PASD1: variants seen among roughly 807,000 people sequenced by gnomAD.
PASD1 encodes the protein circadian clock protein PASD1.
Under a neutral mutation model 58.8 loss-of-function variants are expected in PASD1, and 13 were observed. The ratio of observed to expected loss-of-function variants is 0.22; its 90% CI spans 0.14 to 0.35. PASD1 has a LOEUF of 0.35. Among genes scored for constraint, PASD1 ranks in the 10% least tolerant of loss-of-function variants. The pLI is 1.00. For synonymous variants in PASD1, 236 were observed against 216.7 expected (o/e 1.09, Z -0.78); for missense variants, 734 against 568.3 (o/e 1.29, Z -2.96).
intron 3 of PASD1, among the ~76,000 whole-genome samples, chrX:151,605,188 T>C (rs1329010558): frequency 1.8e-5 from 2 of 111,862 alleles, no homozygotes; most frequent in Non-Finnish European, 3.8e-5. Flanking sequence ...CATATTCCTT[T>C]GAGTGGGACA....
chrX:151,668,891 C>G (rs1414997649), intron 11 of PASD1, among the ~76,000 whole-genome samples: 1 of 100,410 alleles, frequency 1.0e-5, no homozygotes, highest in Non-Finnish European at 2.0e-5. Flanking sequence ...CAAAGCCTGG[C>G]AGAGACACAA....
At chrX:151,669,875 G>C (rs770130723) in intron 11 of PASD1, among the ~76,000 whole-genome samples, 1 of 111,816 alleles carries the variant, frequency 8.9e-6, no homozygotes, top group East Asian at 2.8e-4. Flanking sequence ...ATACCTTTTT[G>C]ATCTACTGAT....
At chrX:151,592,829 G>A (rs1344255128) in intron 1 of PASD1, among the ~76,000 whole-genome samples, 1 of 111,697 alleles carries the variant, frequency 9.0e-6, no homozygotes, top group African/African-American at 3.2e-5. Context: ...GATAATGTAC[G>A]TTCCATAGCT....
At chrX:151,640,054 A>G (rs1312726584) in intron 8 of PASD1, among the ~76,000 whole-genome samples, 1 of 112,023 alleles carries the variant, frequency 8.9e-6, no homozygotes, top group Non-Finnish European at 1.9e-5. Flanking sequence ...TGGCTCAATA[A>G]TAGTCCTATA....
chrX:151,620,980 A>G lies in PASD1; in HGVS notation c.258A>G (p.Lys86=). 8.3e-7 allele frequency: 1 copy of G among 1,208,717 alleles called. No homozygotes were observed. Among genetic ancestry groups the G allele is most frequent in the Non-Finnish European group, 1.1e-6 (1 of 893,521 alleles). ...KLLSLLPDEE[K]DEVYQKIILK... ...TAAGCCTTCTGCCTGATGAAGAGAA[A>G]GATGAAGTCTACCAAAAGATTATTC... The change falls in exon 5 of 16, where the codon AAA becomes AAG. Residue 86 remains lysine, a synonymous_variant. Transcript: ENST00000370357.
chrX:151,670,913 A>G, intron 11 of PASD1, 125 bp from the exon 12 acceptor site: 2 of 797,861 alleles, frequency 2.5e-6, no homozygotes, highest in South Asian at 3.3e-5. Context: ...TAATGAATGA[A>G]ATCAGGATTT....
In PASD1 at chrX:151,671,325, C is replaced by T; in HGVS notation, c.1230+129C>T. The stretch of plus-strand genomic sequence containing the variant: ...TGTCTGCCGGTAGTGACAGCTGCTG[C>T]CCACAGGGTGATATGGGATATCTAA... On this transcript the variant is annotated intron_variant, in intron 12 of 15. Coordinates refer to ENST00000370357, the MANE Select transcript of PASD1 (RefSeq NM_173493.3). 4.9e-6 allele frequency: 4 copies of T among 816,127 alleles called. No homozygotes were observed. In the South Asian group the frequency reaches 7.8e-5, roughly 16 times the overall value. 67.3% of individuals were successfully genotyped at this position (816,127 alleles called of 1,213,427 possible).
chrX:151,638,853 A>G (rs932889797), intron 8 of PASD1, among the ~76,000 whole-genome samples: 1 of 110,936 alleles, frequency 9.0e-6, no homozygotes, highest in African/African-American at 3.3e-5. Flanking sequence ...TTGAGTTACT[A>G]TTTTTATAAG....
intron 11 of PASD1, among the ~76,000 whole-genome samples, chrX:151,665,161 T>A (rs2124312229): frequency 8.9e-6 from 1 of 111,833 alleles, no homozygotes; most frequent in East Asian, 2.8e-4. Context: ...CTTGGCAAAT[T>A]ACTGAGCCTC....
intron 11 of PASD1, among the ~76,000 whole-genome samples, chrX:151,668,373 A>G (rs1338995431): frequency 2.7e-5 from 3 of 111,540 alleles, no homozygotes; most frequent in Non-Finnish European, 5.6e-5. Flanking sequence ...ATCATAGTGG[A>G]TAAGCTTTTT....
At chrX:151,629,995 G>A (rs763934887) in intron 8 of PASD1, among the ~76,000 whole-genome samples, 1 of 111,553 alleles carries the variant, frequency 9.0e-6, no homozygotes. Flanking sequence ...TAATAAAAGT[G>A]TTTTCTGAAG....
chrX:151,651,467 G>A (rs1871854417), intron 9 of PASD1, among the ~76,000 whole-genome samples: 1 of 111,817 alleles, frequency 8.9e-6, no homozygotes, highest in East Asian at 2.8e-4. Flanking sequence ...CTGTCTTTGA[G>A]CATGAACCAA....
chrX:151,662,147 G>A (rs761714365), intron 10 of PASD1, among the ~76,000 whole-genome samples: 3 of 111,544 alleles, frequency 2.7e-5, no homozygotes, highest in South Asian at 7.4e-4. Flanking sequence ...TATTTCCCTC[G>A]TTTTTTGTAT....
intron 1 of PASD1, among the ~76,000 whole-genome samples, chrX:151,568,488 G>A (rs1157062049): frequency 8.9e-6 from 1 of 111,939 alleles, no homozygotes; most frequent in East Asian, 2.8e-4. Flanking sequence ...CAAGGCACAC[G>A]ATATTATTCA....
chrX:151,667,107 G>A (rs1295539493), intron 11 of PASD1, among the ~76,000 whole-genome samples: 2 of 111,607 alleles, frequency 1.8e-5, no homozygotes, highest in African/African-American at 6.6e-5. Context: ...TCTCATTGTG[G>A]TTTTGATTTG....
At chrX:151,596,361 C>T (rs2013322492) in intron 1 of PASD1, among the ~76,000 whole-genome samples, 2 of 111,612 alleles carry the variant, frequency 1.8e-5, no homozygotes, top group Admixed American at 1.9e-4. Context: ...AACCCAGTCT[C>T]TCAGAAATTA....
At chrX:151,671,442 G>A in intron 12 of PASD1, 131 bp from the exon 13 acceptor site, 1 of 859,572 alleles carries the variant, frequency 1.2e-6, no homozygotes, top group Admixed American at 2.8e-5. Flanking sequence ...AATGGTAGAT[G>A]TGGCTTATAT....
At chrX:151,653,751 C>CTTCCTTCTTTCTTTCTTTCTTTCTTTCT (rs2014170686) in intron 9 of PASD1, among the ~76,000 whole-genome samples, 1 of 16,955 alleles carries the variant, frequency 5.9e-5, no homozygotes, top group Admixed American at 5.6e-4. Context: ...TCTTTCCTTC[C>CTTCCTTCTTTCTTTCTTTCTTTCTTTCT]TTCTTTCTTT....
chrX:151,571,660 C>T (rs1370362246), intron 1 of PASD1, among the ~76,000 whole-genome samples: 1 of 112,187 alleles, frequency 8.9e-6, no homozygotes. Flanking sequence ...GAGTTTCTTC[C>T]ATGTTTCATT....
Sources: gnomAD v4.1 joint callset for allele counts (sites outside exome capture counted in the v4.1 genomes callset) on GRCh38, gnomAD v4.1.1 for gene constraint, MANE v1.5 for transcripts, NCBI Gene and HGNC (gene_info 2026-07-23, HGNC 2026-07-21) for gene names.